IRF2: variants seen among roughly 807,000 people sequenced by gnomAD.
The protein encoded by IRF2 is interferon regulatory factor 2.
IRF2 carries 15 observed loss-of-function variants against 40.6 expected under a neutral mutation model. That is an observed-to-expected ratio of 0.37 (90% CI 0.25 to 0.57). The LOEUF (loss-of-function observed/expected upper bound fraction) is 0.57. Among genes scored for constraint, IRF2 ranks in the 20% least tolerant of loss-of-function variants. The pLI, the probability that IRF2 is intolerant of heterozygous loss-of-function variation, is 0.77. For synonymous variants in IRF2, 151 were observed against 165.5 expected (o/e 0.91, Z 0.67); for missense variants, 317 against 455.7 (o/e 0.70, Z 2.77).
intron 7 of IRF2, among the ~76,000 whole-genome samples, chr4:184,395,965 C>T (rs557446628): frequency 1.1e-4 from 16 of 152,252 alleles, no homozygotes; most frequent in African/African-American, 3.9e-4. Flanking sequence ...TCCAGAATCC[C>T]CAAGAAGACC....
intron 6 of IRF2, among the ~76,000 whole-genome samples, chr4:184,399,934 T>G (rs1457704830): frequency 6.6e-6 from 1 of 152,228 alleles, no homozygotes; most frequent in Non-Finnish European, 1.5e-5. Context: ...CCTGTGTGCC[T>G]TTTACTCAAC....
intron 1 of IRF2, among the ~76,000 whole-genome samples, chr4:184,450,865 C>T (rs1482805812): frequency 2.0e-5 from 3 of 152,116 alleles, no homozygotes; most frequent in African/African-American, 7.2e-5. Flanking sequence ...TGTTGCTGTG[C>T]ATGCCCTATG....
intron 1 of IRF2, among the ~76,000 whole-genome samples, chr4:184,459,473 C>T (rs1445860288): frequency 6.6e-6 from 1 of 152,172 alleles, no homozygotes; most frequent in Non-Finnish European, 1.5e-5. Context: ...TACCCATGCG[C>T]TCTGATTTAC....
At chr4:184,419,693 C>T in intron 2 of IRF2, 125 bp from the exon 3 acceptor site, 1 of 662,870 alleles carries the variant, frequency 1.5e-6, no homozygotes, top group Non-Finnish European at 2.6e-6. Flanking sequence ...GTGTTGACTG[C>T]TGACAAGAAA....
chr4:184,464,211 T>C (rs1739244186), intron 1 of IRF2, among the ~76,000 whole-genome samples: 1 of 151,848 alleles, frequency 6.6e-6, no homozygotes, highest in African/African-American at 2.4e-5. Context: ...GACATGAAGA[T>C]GGGGACTATA....
At chr4:184,466,060 G>GTT (rs750400403) in intron 1 of IRF2, among the ~76,000 whole-genome samples, 7,444 of 109,434 alleles carry the variant, frequency 0.068, 692 homozygotes, top group African/African-American at 0.19. Flanking sequence ...GTTGTTTTTT[G>GTT]TTTTTTGTTT....
intron 1 of IRF2, among the ~76,000 whole-genome samples, chr4:184,457,252 G>A (rs972677374): frequency 6.6e-6 from 1 of 152,250 alleles, no homozygotes; most frequent in African/African-American, 2.4e-5. Context: ...CCAATGCAGG[G>A]AAGAAGCCTC....
chr4:184,472,104 C>T (rs1473797251), intron 1 of IRF2: 1 of 152,194 alleles, frequency 6.6e-6, no homozygotes, highest in East Asian at 1.9e-4. Flanking sequence ...ATAGATGTTC[C>T]AACGTTCCCC....
rs546851573 is a variant in IRF2, at chr4:184,408,006, A to G, written c.529+152T>C. ...TGATCCTCAAAAGCCTTCGTTTCTC[A>G]GCCTTGAAATCTGGGGGCTGGAACT... On this transcript the variant is annotated intron_variant, in intron 6 of 8. Coordinates refer to ENST00000393593, the MANE Select transcript of IRF2 (RefSeq NM_002199.4). The surrounding 1 kb of genome is among the most constrained non-coding windows in gnomAD (Gnocchi z 4.9). 61 of 559,152 alleles carry G rather than the reference A, an allele frequency of 1.1e-4. No individual in the cohort carries two copies. The East Asian group carries it at 1.4e-3, about 13-fold the overall frequency. The allele number at this position is 559,152 out of a possible 1,614,324, so 34.6% of individuals were successfully genotyped here.
intron 7 of IRF2, among the ~76,000 whole-genome samples, chr4:184,391,802 T>C (rs916164150): frequency 8.5e-5 from 13 of 152,220 alleles, no homozygotes; most frequent in African/African-American, 3.1e-4. Context: ...GCCATCCCCA[T>C]TTGGCCTGCC....
At chr4:184,472,281 G>T (rs1290650919) in intron 1 of IRF2, 4 of 152,224 alleles carry the variant, frequency 2.6e-5, no homozygotes, top group African/African-American at 9.7e-5. Flanking sequence ...CGTGCGTGGT[G>T]AAGTTAAACA....
intron 6 of IRF2, among the ~76,000 whole-genome samples, chr4:184,405,567 C>T (rs1028929758): frequency 6.6e-6 from 1 of 152,200 alleles, no homozygotes; most frequent in African/African-American, 2.4e-5. Flanking sequence ...TGGGGGAACT[C>T]AGCTCCTTCT....
rs1737772184 is a variant in IRF2 at position 184,429,009 on chromosome 4, T to C, written c.56A>G (p.Asn19Ser). 2.5e-6 allele frequency: 4 copies of C among 1,613,996 alleles called. No individual in the cohort carries two copies. Among genetic ancestry groups the C allele is most frequent in the Admixed American group, 3.3e-5 (2 of 60,012 alleles). Residue 19 changes from asparagine (N) to serine (S), a missense_variant, in exon 2 of 9, where the codon AAC becomes AGC. Physicochemically the swap from Asn to Ser is conservative, Grantham distance 46. Transcript: ENST00000393593. ...RPWLEEQINS[N>S]TIPGLKWLNK... ...AAGCCACTTGAGCCCCGGGATCGTG[T>C]TGGAGTTTATCTGCTCCTCCAGCCA...
At chr4:184,428,606 T>C (rs764772692) in intron 2 of IRF2, 45 of 413,728 alleles carry the variant, frequency 1.1e-4, no homozygotes, top group Non-Finnish European at 1.9e-4. Context: ...AAGACCAGCC[T>C]GGGCAACATG....
intron 2 of IRF2, among the ~76,000 whole-genome samples, chr4:184,425,076 A>G (rs1737619774): frequency 6.6e-6 from 1 of 152,250 alleles, no homozygotes; most frequent in African/African-American, 2.4e-5. Context: ...AGCCTGGAGC[A>G]CTTCACAATA....
intron 1 of IRF2, among the ~76,000 whole-genome samples, chr4:184,461,782 TAAGTA>T: frequency 6.8e-6 from 1 of 146,642 alleles, no homozygotes; most frequent in Non-Finnish European, 1.5e-5. Flanking sequence ...ACCTGTAAGT[TAAGTA>T]AATCCTCTCC....
intron 7 of IRF2, among the ~76,000 whole-genome samples, chr4:184,392,767 G>A (rs1397077568): frequency 6.6e-6 from 1 of 152,154 alleles, no homozygotes; most frequent in Non-Finnish European, 1.5e-5. Context: ...GACTCCACTG[G>A]TCCCAGCCTG....
intron 1 of IRF2, among the ~76,000 whole-genome samples, chr4:184,435,134 C>T (rs1738031146): frequency 6.6e-6 from 1 of 152,198 alleles, no homozygotes; most frequent in African/African-American, 2.4e-5. Flanking sequence ...ACTTTATTAT[C>T]CTTTATTACC....
At chr4:184,428,157 ATGAC>A (rs745322766) in intron 2 of IRF2, among the ~76,000 whole-genome samples, 3 of 152,240 alleles carry the variant, frequency 2.0e-5, no homozygotes, top group African/African-American at 4.8e-5. Context: ...CAGGTTGTAA[ATGAC>A]TGGCTGCTTT....
Sources: gnomAD v4.1 joint callset for allele counts (sites outside exome capture counted in the v4.1 genomes callset) on GRCh38, gnomAD v4.1.1 for gene constraint, Gnocchi (gnomAD v3.1) non-coding constraint, MANE v1.5 for transcripts, NCBI Gene and HGNC (gene_info 2026-07-23, HGNC 2026-07-21) for gene names.